Variants in CDH18 observed in about 807,000 individuals in gnomAD.
CDH18 encodes cadherin-18.
In CDH18, 31 loss-of-function variants were observed where a neutral mutation model predicts 67.9. The observed-to-expected ratio is 0.46, with a 90% CI of 0.34 to 0.62. The LOEUF is 0.62. Ranked by LOEUF, CDH18 falls within the 20% of genes least tolerant of loss-of-function variation. The pLI is 0.01. For missense variants in CDH18, 890 were observed against 975.5 expected, an observed-to-expected ratio of 0.91 and a Z score of 1.17; for synonymous variants, 362 against 347.2, an observed-to-expected ratio of 1.04 and a Z score of -0.48.
chr5:20,131,397 T>C (rs1316554904), intron 2 of CDH18, among the ~76,000 whole-genome samples: 1 of 152,034 alleles, frequency 6.6e-6, no homozygotes, highest in Non-Finnish European at 1.5e-5. Context: ...AACCCACATA[T>C]ATATTTTTAA....
At chr5:20,043,955 T>G (rs553682659) in intron 2 of CDH18, among the ~76,000 whole-genome samples, 52 of 152,344 alleles carry the variant, frequency 3.4e-4, no homozygotes, top group African/African-American at 1.2e-3. Flanking sequence ...CTATCCTTAC[T>G]TCCCAAACAT....
chr5:19,832,949 A>G (rs1781223071), intron 3 of CDH18, among the ~76,000 whole-genome samples: 2 of 152,028 alleles, frequency 1.3e-5, no homozygotes, highest in South Asian at 4.1e-4. Context: ...CTTTGAAGTC[A>G]GGTAATGTGA....
At chr5:20,435,168 C>A (rs1441560566) in intron 1 of CDH18, among the ~76,000 whole-genome samples, 2 of 152,034 alleles carry the variant, frequency 1.3e-5, no homozygotes, top group East Asian at 3.9e-4. Context: ...AGCTCAAATT[C>A]AAAGAAAAAG....
At chr5:19,731,181 G>A (rs193226504) in intron 4 of CDH18, among the ~76,000 whole-genome samples, 17 of 152,210 alleles carry the variant, frequency 1.1e-4, no homozygotes, top group South Asian at 1.0e-3. Flanking sequence ...CAGGCGCAGC[G>A]GCTTACACCT....
intron 2 of CDH18, among the ~76,000 whole-genome samples, chr5:19,868,355 G>A (rs1056613498): frequency 4.6e-5 from 7 of 152,054 alleles, no homozygotes; most frequent in African/African-American, 1.4e-4. Flanking sequence ...AACTAGAGAA[G>A]CCATTATAAT....
chr5:19,826,349 G>C (rs1780405095), intron 3 of CDH18, among the ~76,000 whole-genome samples: 1 of 152,048 alleles, frequency 6.6e-6, no homozygotes. Flanking sequence ...TGCTAAGGAG[G>C]CCAACACTCA....
rs371091025 is a variant in CDH18 at position 20,370,741 on chromosome 5, G to A, written c.-579-115236C>T. Reference sequence around the variant, plus strand: ...GCTATGAGAGAAGAAAGTGTTACTAGTTAGAAGACTGTGGCAGCTGGGCAC... The same window carrying A: ...GCTATGAGAGAAGAAAGTGTTACTAATTAGAAGACTGTGGCAGCTGGGCAC... On this transcript the variant is annotated intron_variant, in intron 1 of 14. Transcript: ENST00000507958. 7.9e-5 allele frequency among the ~76,000 whole-genome samples: 12 copies of A among 152,070 alleles called. No homozygotes were observed. The East Asian group carries it at 2.1e-3, about 27-fold the overall frequency.
At chr5:20,538,651 T>C (rs1756861256) in intron 1 of CDH18, among the ~76,000 whole-genome samples, 1 of 152,104 alleles carries the variant, frequency 6.6e-6, no homozygotes, top group South Asian at 2.1e-4. Flanking sequence ...TCCACCAGAT[T>C]CTTCTATTAT....
At chr5:20,205,893 A>T (rs538410296) in intron 2 of CDH18, among the ~76,000 whole-genome samples, 1 of 152,012 alleles carries the variant, frequency 6.6e-6, no homozygotes, top group Admixed American at 6.6e-5. Context: ...ATCTATACCA[A>T]AAAAGTGTAA....
At chr5:19,712,710 AT>A (rs1232505808) in intron 5 of CDH18, among the ~76,000 whole-genome samples, 1 of 150,638 alleles carries the variant, frequency 6.6e-6, no homozygotes, top group Non-Finnish European at 1.5e-5. Context: ...ATATGTATAT[AT>A]AATAGGAAAA....
At chr5:20,306,856 T>G (rs945644432) in intron 1 of CDH18, among the ~76,000 whole-genome samples, 1 of 123,606 alleles carries the variant, frequency 8.1e-6, no homozygotes, top group Non-Finnish European at 1.7e-5. Flanking sequence ...GTTTAATAAT[T>G]TATGATTTAA....
At chr5:20,011,881 T>C (rs546439049) in intron 2 of CDH18, among the ~76,000 whole-genome samples, 1 of 152,252 alleles carries the variant, frequency 6.6e-6, no homozygotes, top group Admixed American at 6.5e-5. Context: ...TCATCAAGGA[T>C]ATTGGCCTAA....
intron 2 of CDH18, among the ~76,000 whole-genome samples, chr5:20,189,476 T>C (rs549327282): frequency 8.2e-4 from 125 of 152,280 alleles, no homozygotes; most frequent in African/African-American, 2.9e-3. Flanking sequence ...CTCTAAGTGA[T>C]TTCATATATT....
At chr5:19,987,948 C>G (rs1799734305) in intron 1 of CDH18, 138 bp downstream of exon 1, 1 of 152,210 alleles carries the variant, frequency 6.6e-6, no homozygotes, top group Admixed American at 6.5e-5. Flanking sequence ...TTCCCCTCAG[C>G]CCTCGATCCT....
intron 2 of CDH18, among the ~76,000 whole-genome samples, chr5:19,841,875 G>A (rs944939487): frequency 5.9e-5 from 9 of 152,024 alleles, no homozygotes; most frequent in African/African-American, 1.9e-4. Context: ...ATATGTTTGC[G>A]AATCTCAATT....
At chr5:19,760,516 A>T (rs1318882344) in intron 3 of CDH18, among the ~76,000 whole-genome samples, 1 of 152,146 alleles carries the variant, frequency 6.6e-6, no homozygotes, top group Non-Finnish European at 1.5e-5. Context: ...GACTTTTACA[A>T]TGCCCAGAGT....
chr5:19,605,971 C>G (rs1747965863), intron 6 of CDH18, among the ~76,000 whole-genome samples: 1 of 152,072 alleles, frequency 6.6e-6, no homozygotes, highest in Non-Finnish European at 1.5e-5. Context: ...CTTGTAGAGG[C>G]TCTGAGAAAC....
At chr5:20,039,334 GA>G (rs569363387) in intron 2 of CDH18, among the ~76,000 whole-genome samples, 1 of 151,318 alleles carries the variant, frequency 6.6e-6, no homozygotes, top group Non-Finnish European at 1.5e-5. Context: ...CACAAAATTA[GA>G]AAAAAAACTA....
chr5:20,528,150 T>C (rs1756181428), intron 1 of CDH18, among the ~76,000 whole-genome samples: 2 of 151,874 alleles, frequency 1.3e-5, no homozygotes, highest in Admixed American at 1.3e-4. Context: ...ACCAACAAAT[T>C]TGTCAAAAAA....
Sources: gnomAD v4.1 joint callset for allele counts (sites outside exome capture counted in the v4.1 genomes callset) on GRCh38, gnomAD v4.1.1 for gene constraint, MANE v1.5 for transcripts, NCBI Gene and HGNC (gene_info 2026-07-23, HGNC 2026-07-21) for gene names.